The following ATG7 variants were observed in gnomAD, a reference collection of about 807,000 sequenced individuals.
The protein encoded by ATG7 is ubiquitin-like modifier-activating enzyme ATG7.
ATG7 carries 70 observed loss-of-function variants against 82.4 expected under a neutral mutation model. The observed-to-expected ratio is 0.85, with a 90% CI of 0.70 to 1.04. The LOEUF is 1.04. Among genes scored for constraint, ATG7 ranks in the 50% least tolerant of loss-of-function variants. ATG7 has a pLI of 0.00. For synonymous variants in ATG7, 287 were observed against 313.0 expected (o/e 0.92, Z 0.88); for missense variants, 792 against 864.3 (o/e 0.92, Z 1.05).
At chr3:11,292,254 C>CT (rs57610397) in intron 3 of ATG7, among the ~76,000 whole-genome samples, 2,705 of 138,764 alleles carry the variant, frequency 0.019, 60 homozygotes, top group African/African-American at 0.052. Context: ...TTCTTTCTTT[C>CT]TTTTTTTTTT....
At chr3:11,476,290 A>G (rs930115168) in intron 20 of ATG7, among the ~76,000 whole-genome samples, 1 of 152,208 alleles carries the variant, frequency 6.6e-6, no homozygotes, top group Non-Finnish European at 1.5e-5. Flanking sequence ...AAATCTGGCT[A>G]CATATCAGTT....
chr3:11,286,409 C>T (rs1943999758), intron 3 of ATG7, among the ~76,000 whole-genome samples: 1 of 152,106 alleles, frequency 6.6e-6, no homozygotes, highest in African/African-American at 2.4e-5. Flanking sequence ...GTCGTATGTT[C>T]TTCATGATTC....
At chr3:11,399,701 A>G (rs2079637149) in intron 19 of ATG7, among the ~76,000 whole-genome samples, 1 of 152,092 alleles carries the variant, frequency 6.6e-6, no homozygotes, top group African/African-American at 2.4e-5. Context: ...CAGCCTCCCG[A>G]GTAGCCGGGA....
chr3:11,323,514 C>G (rs79880623), intron 9 of ATG7, among the ~76,000 whole-genome samples: 2,941 of 152,314 alleles, frequency 0.019, 97 homozygotes, highest in East Asian at 0.065. Context: ...TACAACAGAT[C>G]ACCATCTTTC....
intron 20 of ATG7, among the ~76,000 whole-genome samples, chr3:11,464,265 G>A (rs1195951020): frequency 6.6e-6 from 1 of 152,206 alleles, no homozygotes; most frequent in Non-Finnish European, 1.5e-5. Context: ...CCAGCTACTT[G>A]GGAGTCTGAG....
At chr3:11,502,478 G>A (rs1396449173) in intron 20 of ATG7, among the ~76,000 whole-genome samples, 3 of 145,996 alleles carry the variant, frequency 2.1e-5, no homozygotes, top group African/African-American at 7.6e-5. Context: ...TGCGGTGTTT[G>A]GTTTTTTGTT....
intron 19 of ATG7, among the ~76,000 whole-genome samples, chr3:11,395,395 A>G (rs868035302): frequency 6.6e-6 from 1 of 152,216 alleles, no homozygotes; most frequent in African/African-American, 2.4e-5. Context: ...AAGAAGCCCA[A>G]CAAATTTATA....
rs144091965 is a variant in ATG7, at chr3:11,543,076, C to T, written c.2080-11735C>T. On this transcript the variant is annotated intron_variant, in intron 20 of 20. Coordinates refer to ENST00000693202, the MANE Select transcript of ATG7 (RefSeq NM_001349232.2). Reference sequence around the variant, plus strand: ...AGCTGCACAGGCCACAGTTAGATGGCGGCGTCCTCCAACCGACCCCACGGT... The same window carrying T: ...AGCTGCACAGGCCACAGTTAGATGGTGGCGTCCTCCAACCGACCCCACGGT... Among the ~76,000 whole-genome samples the T allele has an allele frequency of 3.6e-3, 542 of 152,312 alleles. 3 individuals are homozygous for T. Among genetic ancestry groups the T allele is most frequent in the African/African-American group, 0.012 (515 of 41,576 alleles).
chr3:11,522,345 T>C (rs375101364), intron 20 of ATG7, among the ~76,000 whole-genome samples: 2 of 152,332 alleles, frequency 1.3e-5, no homozygotes, highest in East Asian at 3.9e-4. Flanking sequence ...TTTTTAGAAC[T>C]GCCCACCTTT....
rs895396006 is a variant in ATG7, at chr3:11,555,805, G to T, written c.*962G>T. 6 of 152,258 alleles carry T rather than the reference G, an allele frequency of 3.9e-5. No individual in the cohort carries two copies. Among genetic ancestry groups the T allele is most frequent in the African/African-American group, 1.4e-4 (6 of 41,406 alleles). The allele number at this position is 152,258 out of a possible 1,614,324, so 9.4% of individuals were successfully genotyped here. A position where few individuals can be genotyped will look rare whatever the true frequency, so the allele number is the denominator to read the frequency against. ...TGACCACCCTGCCCCCGTGTAGAGG[G>T]CATCGTCTTTCCTGCTATTTTATTC... On this transcript the variant is annotated 3_prime_UTR_variant, in exon 21 of 21. Coordinates refer to ENST00000693202, the MANE Select transcript of ATG7 (RefSeq NM_001349232.2).
intron 20 of ATG7, among the ~76,000 whole-genome samples, chr3:11,434,765 G>A (rs1225642189): frequency 3.9e-5 from 6 of 152,146 alleles, no homozygotes; most frequent in South Asian, 2.1e-4. Flanking sequence ...AAAGAGTCTC[G>A]GATGGTATAA....
chr3:11,444,136 G>C (rs970158751), intron 20 of ATG7, among the ~76,000 whole-genome samples: 2 of 152,262 alleles, frequency 1.3e-5, no homozygotes, highest in African/African-American at 4.8e-5. Flanking sequence ...TTACCCATTT[G>C]CTGTGCGGCT....
intron 19 of ATG7, among the ~76,000 whole-genome samples, chr3:11,418,921 T>C (rs2081661431): frequency 6.6e-6 from 1 of 151,870 alleles, no homozygotes; most frequent in Non-Finnish European, 1.5e-5. Context: ...AATCATCAGA[T>C]CTCATGAGAA....
chr3:11,488,139 G>A (rs1442305214), intron 20 of ATG7, among the ~76,000 whole-genome samples: 166 of 40,178 alleles, frequency 4.1e-3, no homozygotes, highest in East Asian at 8.0e-3. Context: ...GCGGCCGGGC[G>A]GAGACGCTCC....
intron 20 of ATG7, among the ~76,000 whole-genome samples, chr3:11,507,904 C>T (rs1379725092): frequency 1.3e-5 from 2 of 151,460 alleles, no homozygotes; most frequent in Non-Finnish European, 2.9e-5. Context: ...GTAAGGCATG[C>T]TGGGAAACAC....
At chr3:11,353,281 C>G (rs764527591) in intron 14 of ATG7, among the ~76,000 whole-genome samples, 3 of 151,888 alleles carry the variant, frequency 2.0e-5, no homozygotes, top group Non-Finnish European at 4.4e-5. Flanking sequence ...GTCTCTACTA[C>G]TAAAAATACA....
chr3:11,475,909 C>CACACCCCCT, intron 20 of ATG7, among the ~76,000 whole-genome samples: 1 of 104,796 alleles, frequency 9.5e-6, no homozygotes, highest in Middle Eastern at 5.2e-3. Context: ...ACACACACAC[C>CACACCCCCT]CCCTCCCAGA....
At position 11,280,983 on chromosome 3, in the gene ATG7, A is replaced by G. The variant is rs900397097; in HGVS notation, c.-365-11A>G. ...TATTTTACCAGTTCTTAATCCCTCTAATTATGTCAGGATCCAATTCCTGTA... is the reference window on the plus strand; with the variant it reads ...TATTTTACCAGTTCTTAATCCCTCTGATTATGTCAGGATCCAATTCCTGTA... On this transcript the variant is annotated splice_polypyrimidine_tract_variant and intron_variant, in intron 1 of 20. Coordinates refer to ENST00000693202, the MANE Select transcript of ATG7 (RefSeq NM_001349232.2). 1.4e-4 allele frequency: 21 copies of G among 152,162 alleles called. No homozygotes were observed. The highest frequency in any genetic ancestry group is 5.9e-4 in the Admixed American group (9 of 15,276). The allele number at this position is 152,162 out of a possible 1,614,324, so 9.4% of individuals were successfully genotyped here.
Position 11,358,442 on chromosome 3 carries a change from A to G in ATG7, c.1309A>G (p.Ile437Val), listed in dbSNP as rs911578572. 1.8e-5 allele frequency: 29 copies of G among 1,613,462 alleles called. No individual in the cohort carries two copies. Among genetic ancestry groups the G allele is most frequent in the African/African-American group, 2.7e-5 (2 of 75,022 alleles). Residue 437 changes from isoleucine (I) to valine (V), a missense_variant, in exon 15 of 21, where the codon ATA (isoleucine) becomes GTA (valine). Transcript: ENST00000693202. ...GVNARGFNMS[I>V]PMPGHPVNFS... is the part of the protein sequence containing the mutation. ...GAATGCCAGAGGATTCAACATGAGC[A>G]TACCTATGCCTGGGCATCCAGTGAA...
Sources: allele counts gnomAD v4.1 joint callset (sites outside exome capture counted in the v4.1 genomes callset), GRCh38; gene constraint gnomAD v4.1.1; transcripts MANE v1.5; gene names NCBI Gene and HGNC (gene_info 2026-07-23, HGNC 2026-07-21).